SDK1: variants seen among roughly 807,000 people sequenced by gnomAD.
SDK1 encodes sidekick cell adhesion molecule 1.
SDK1 carries 157 observed loss-of-function variants against 245.5 expected under a neutral mutation model. The ratio of observed to expected loss-of-function variants is 0.64; its 90% CI spans 0.56 to 0.73. SDK1 has a LOEUF of 0.73. SDK1 is among the 30% of genes least tolerant of loss of function. SDK1 has a pLI of 0.00. For synonymous variants in SDK1, 1,647 were observed against 1,278.5 expected, an observed-to-expected ratio of 1.29 and a Z score of -6.15; for missense variants, 3,583 against 3,002.3, an observed-to-expected ratio of 1.19 and a Z score of -4.52.
chr7:3,793,584 C>T (rs1176650622), intron 4 of SDK1, among the ~76,000 whole-genome samples: 5 of 152,196 alleles, frequency 3.3e-5, no homozygotes, highest in Middle Eastern at 3.4e-3. Flanking sequence ...CTTCTTGTGT[C>T]GATTCTATAG....
intron 1 of SDK1, among the ~76,000 whole-genome samples, chr7:3,399,296 T>C (rs1461809110): frequency 1.3e-5 from 2 of 152,138 alleles, no homozygotes; most frequent in African/African-American, 4.8e-5. Context: ...AGAGTTTTAA[T>C]TTTGTTCCTT....
chr7:3,602,085 C>T (rs1781271844), intron 1 of SDK1, among the ~76,000 whole-genome samples: 1 of 151,902 alleles, frequency 6.6e-6, no homozygotes, highest in East Asian at 1.9e-4. Context: ...CGTTGTTGGA[C>T]ATTTAGGTTG....
intron 5 of SDK1, among the ~76,000 whole-genome samples, chr7:3,941,891 T>C (rs1254560810): frequency 6.6e-6 from 1 of 150,934 alleles, no homozygotes; most frequent in Non-Finnish European, 1.5e-5. Flanking sequence ...GTGGTATATT[T>C]GGACAAGACT....
intron 22 of SDK1, among the ~76,000 whole-genome samples, chr7:4,106,664 TCAGAGAAACCCGATGAG>T (rs1782937294): frequency 6.6e-6 from 1 of 152,184 alleles, no homozygotes; most frequent in Non-Finnish European, 1.5e-5. Context: ...CCCGGCGTTC[TCAGAGAAACCCGATGAG>T]CCTGGCTGCC....
chr7:3,468,714 A>T (rs1251499601), intron 1 of SDK1, among the ~76,000 whole-genome samples: 2 of 152,162 alleles, frequency 1.3e-5, no homozygotes, highest in South Asian at 2.1e-4. Context: ...TTAGCATTAG[A>T]TCGTACTGTC....
intron 5 of SDK1, among the ~76,000 whole-genome samples, chr7:3,931,471 G>A (rs1779976471): frequency 6.6e-6 from 1 of 152,170 alleles, no homozygotes; most frequent in Non-Finnish European, 1.5e-5. Context: ...CCAACATCAA[G>A]GAACTATAAG....
At chr7:3,564,012 T>C (rs1779828536) in intron 1 of SDK1, among the ~76,000 whole-genome samples, 1 of 152,194 alleles carries the variant, frequency 6.6e-6, no homozygotes, top group Admixed American at 6.5e-5. Context: ...AGTGAAAACA[T>C]GACATTTCAG....
intron 1 of SDK1, among the ~76,000 whole-genome samples, chr7:3,371,894 C>A (rs542542061): frequency 6.6e-6 from 1 of 152,150 alleles, no homozygotes; most frequent in African/African-American, 2.4e-5. Context: ...CTACTTAGAT[C>A]TATCCTCACA....
intron 25 of SDK1, among the ~76,000 whole-genome samples, chr7:4,126,046 A>T (rs1784373848): frequency 6.6e-6 from 1 of 152,192 alleles, no homozygotes; most frequent in Non-Finnish European, 1.5e-5. Flanking sequence ...CCGTTGCTTC[A>T]TCTGCAGAGT....
chr7:3,658,761 C>G (rs1208368968), intron 4 of SDK1, among the ~76,000 whole-genome samples: 1 of 152,020 alleles, frequency 6.6e-6, no homozygotes. Context: ...ACTACAGACA[C>G]CTGCCACCAC....
intron 14 of SDK1, among the ~76,000 whole-genome samples, chr7:3,993,793 C>G (rs898201216): frequency 2.0e-5 from 3 of 152,128 alleles, no homozygotes; most frequent in Admixed American, 6.5e-5. Flanking sequence ...GGACTGAGCT[C>G]TGCTAATTAC....
intron 4 of SDK1, among the ~76,000 whole-genome samples, chr7:3,657,345 G>A (rs1458094575): frequency 6.6e-6 from 1 of 152,196 alleles, no homozygotes; most frequent in African/African-American, 2.4e-5. Flanking sequence ...TGTCTACAGG[G>A]TGGGTTCCCT....
intron 34 of SDK1, among the ~76,000 whole-genome samples, chr7:4,177,134 C>G (rs1356219240): frequency 6.6e-6 from 1 of 152,226 alleles, no homozygotes; most frequent in South Asian, 2.1e-4. Context: ...GAGATACTGA[C>G]TCCATAGCAT....
chr7:3,716,491 A>G (rs1236890060), intron 4 of SDK1, among the ~76,000 whole-genome samples: 1 of 152,216 alleles, frequency 6.6e-6, no homozygotes, highest in African/African-American at 2.4e-5. Context: ...CACGTGTAAT[A>G]TCAGACCTGT....
At chr7:3,875,046 C>T (rs1251935558) in intron 5 of SDK1, among the ~76,000 whole-genome samples, 1 of 152,164 alleles carries the variant, frequency 6.6e-6, no homozygotes, top group Non-Finnish European at 1.5e-5. Context: ...TATACACGCT[C>T]ACTAGCCCAT....
chr7:3,467,532 AT>A (rs11325598), intron 1 of SDK1, among the ~76,000 whole-genome samples: 47,810 of 151,616 alleles, frequency 0.32, 10,560 homozygotes, highest in African/African-American at 0.63. Flanking sequence ...ATCTGAATAG[AT>A]TTTTTTTGCT....
intron 1 of SDK1, among the ~76,000 whole-genome samples, chr7:3,462,020 C>T (rs1317690109): frequency 1.3e-5 from 2 of 152,178 alleles, no homozygotes; most frequent in Non-Finnish European, 2.9e-5. Flanking sequence ...AATCTAACTA[C>T]TGCACCCTAC....
At chr7:3,358,812 C>T (rs1446210790) in intron 1 of SDK1, among the ~76,000 whole-genome samples, 1 of 152,182 alleles carries the variant, frequency 6.6e-6, no homozygotes, top group African/African-American at 2.4e-5. Context: ...GGGTGGGTTT[C>T]AAGCATTTAA....
At chr7:3,990,805 A>G (rs546674244) in intron 14 of SDK1, among the ~76,000 whole-genome samples, 2 of 152,270 alleles carry the variant, frequency 1.3e-5, no homozygotes, top group African/African-American at 4.8e-5. Flanking sequence ...GAGGCATTCT[A>G]CCTTCCCCCG....
Sources: allele counts gnomAD v4.1 joint callset (sites outside exome capture counted in the v4.1 genomes callset), GRCh38; gene constraint gnomAD v4.1.1; transcripts MANE v1.5; gene names NCBI Gene and HGNC (gene_info 2026-07-23, HGNC 2026-07-21).